Variants in SIDT1 observed in about 807,000 individuals in gnomAD.
SIDT1 encodes SID1 transmembrane family, member 1.
A neutral mutation model predicts 107.5 loss-of-function variants in SIDT1; 101 were observed. The ratio of observed to expected loss-of-function variants is 0.94; its 90% CI spans 0.80 to 1.11. SIDT1 has a LOEUF of 1.11. Ranked by LOEUF, SIDT1 falls within the 50% of genes least tolerant of loss-of-function variation. The pLI is 0.00. For missense variants in SIDT1, 1,076 were observed against 1,058.2 expected (o/e 1.02, Z -0.23); for synonymous variants, 395 against 398.2 (o/e 0.99, Z 0.10).
chr3:113,634,044 A>C (rs953487549), downstream of SIDT1, among the ~76,000 whole-genome samples: 2 of 152,204 alleles, frequency 1.3e-5, no homozygotes, highest in African/African-American at 4.8e-5. Flanking sequence ...AAATAAGGTG[A>C]TATAACTGAT....
chr3:113,548,715 A>G (rs929070857), intron 1 of SIDT1, among the ~76,000 whole-genome samples: 6 of 152,148 alleles, frequency 3.9e-5, no homozygotes, highest in South Asian at 2.1e-4. Flanking sequence ...TACAAATGTT[A>G]TTAGACTAAC....
chr3:113,593,169 CGCAGAGTAGTCTAGCCT>C, intron 10 of SIDT1, 121 bp downstream of exon 10: 1 of 856,520 alleles, frequency 1.2e-6, no homozygotes, highest in South Asian at 1.3e-5. Context: ...ATTCCTATCC[CGCAGAGTAGTCTAGCCT>C]GCAGTTGGAA....
chr3:113,611,204 C>T (rs1310466906), intron 18 of SIDT1, 60 bp downstream of exon 18: 2 of 1,576,454 alleles, frequency 1.3e-6, no homozygotes, highest in Non-Finnish European at 1.7e-6. Context: ...GTCCAATAAA[C>T]AAACAACAAT....
chr3:113,626,013 G>A, intron 23 of SIDT1, 89 bp from the exon 24 acceptor site: 1 of 865,344 alleles, frequency 1.2e-6, no homozygotes, highest in Middle Eastern at 2.2e-4. Flanking sequence ...CAGACATCTA[G>A]TAGCGTTTTT....
chr3:113,626,332 C>T lies in SIDT1; in HGVS notation c.2421+117C>T, dbSNP rs6787294. On this transcript the variant is annotated intron_variant, in intron 24 of 24. Coordinates refer to ENST00000264852, the MANE Select transcript of SIDT1 (RefSeq NM_017699.3). ...CCTCTCTAATTTTACTTTCCATTTCCTCCTTGTAATTCAATGTACAGACCA... is the reference window on the plus strand; with the variant it reads ...CCTCTCTAATTTTACTTTCCATTTCTTCCTTGTAATTCAATGTACAGACCA... 4.4e-4 allele frequency: 288 copies of T among 661,544 alleles called. No homozygotes were observed. The African/African-American group carries it at 4.7e-3, about 11-fold the overall frequency. 41.0% of individuals were successfully genotyped at this position (661,544 alleles called of 1,614,324 possible).
intron 1 of SIDT1, among the ~76,000 whole-genome samples, chr3:113,566,196 A>G (rs1438609117): frequency 1.3e-5 from 2 of 152,206 alleles, no homozygotes; most frequent in African/African-American, 4.8e-5. Context: ...TGTGCAATCA[A>G]GGTTGAGACC....
chr3:113,617,458 A>G (rs1370988183), intron 20 of SIDT1, among the ~76,000 whole-genome samples: 3 of 152,212 alleles, frequency 2.0e-5, no homozygotes. Context: ...AGTCAGAACT[A>G]GTGATGCTAG....
chr3:113,622,583 C>A (rs1184021489), intron 21 of SIDT1, among the ~76,000 whole-genome samples: 2 of 151,234 alleles, frequency 1.3e-5, no homozygotes, highest in Non-Finnish European at 2.9e-5. Context: ...CTGAGTCCAA[C>A]CAAAATTAAC....
At chr3:113,574,387 A>G (rs952823007) in intron 3 of SIDT1, among the ~76,000 whole-genome samples, 2 of 152,180 alleles carry the variant, frequency 1.3e-5, no homozygotes, top group African/African-American at 4.8e-5. Flanking sequence ...TCATAGTTCA[A>G]GTGAATAATA....
In SIDT1 at chr3:113,613,539, A is replaced by T. The variant is rs144076652; in HGVS notation, c.1966+1345A>T. Among the ~76,000 whole-genome samples the T allele has an allele frequency of 5.3e-5, 8 of 152,340 alleles. No individual in the cohort carries two copies. In the East Asian group the frequency reaches 1.5e-3, roughly 29 times the overall value. On this transcript the variant is annotated intron_variant, in intron 19 of 24. Transcript: ENST00000264852. ...TTAATTCTTTTGCCATGGTCAGTAG[A>T]TTTACCTTTGGCATGAACATAGCCA...
chr3:113,556,821 C>CCTTTTTT (rs1553782948), intron 1 of SIDT1, among the ~76,000 whole-genome samples: 3 of 107,660 alleles, frequency 2.8e-5, no homozygotes, highest in Non-Finnish European at 1.8e-5. Flanking sequence ...GTTTCTTTTT[C>CCTTTTTT]TTTTTTTTTT....
chr3:113,549,292 A>G (rs1053063094), intron 1 of SIDT1, among the ~76,000 whole-genome samples: 1 of 152,204 alleles, frequency 6.6e-6, no homozygotes, highest in Non-Finnish European at 1.5e-5. Flanking sequence ...GCTGGAGTAT[A>G]TAGTAAGACT....
rs60256247 is a variant in SIDT1 at position 113,571,486 on chromosome 3, G to GCACACACA, written c.515+3793_515+3800dup. 2.6e-3 allele frequency among the ~76,000 whole-genome samples: 384 copies of GCACACACA among 148,948 alleles called. 1 individual carries two copies. The highest frequency in any genetic ancestry group is 3.8e-3 in the Non-Finnish European group (256 of 67,378). On this transcript the variant is annotated intron_variant, in intron 3 of 24. Coordinates refer to ENST00000264852, the MANE Select transcript of SIDT1 (RefSeq NM_017699.3). ...GCTTGGTGCCATCTACCTATCCTCT[G>GCACACACA]CACACACACACACACACACACACAT...
At chr3:113,584,272 T>G (rs756988590) in intron 7 of SIDT1, among the ~76,000 whole-genome samples, 7 of 152,224 alleles carry the variant, frequency 4.6e-5, no homozygotes, top group Non-Finnish European at 7.3e-5. Flanking sequence ...CTTGGTAAAC[T>G]ACAAGCCCTT....
chr3:113,631,121 G>A (rs1947090738), downstream of SIDT1, among the ~76,000 whole-genome samples: 3 of 152,130 alleles, frequency 2.0e-5, no homozygotes, highest in Admixed American at 2.0e-4. Flanking sequence ...GGCCAAGTGG[G>A]AAAGCCTGGC....
chr3:113,607,873 C>T (rs1400010938), intron 15 of SIDT1, among the ~76,000 whole-genome samples: 1 of 152,062 alleles, frequency 6.6e-6, no homozygotes, highest in Non-Finnish European at 1.5e-5. Flanking sequence ...AAGCAGGCAC[C>T]CTTGAGAGGA....
intron 1 of SIDT1, among the ~76,000 whole-genome samples, chr3:113,546,106 G>GA (rs1337209891): frequency 2.0e-5 from 3 of 152,172 alleles, no homozygotes; most frequent in African/African-American, 7.2e-5. Context: ...GGAGACACGT[G>GA]TTTTTATCCC....
At chr3:113,602,888 C>A in intron 11 of SIDT1, 117 bp from the exon 12 acceptor site, 1 of 1,054,422 alleles carries the variant, frequency 9.5e-7, no homozygotes, top group Non-Finnish European at 1.3e-6. Flanking sequence ...ATGAGAAGTT[C>A]ATTTGGATCA....
intron 1 of SIDT1, among the ~76,000 whole-genome samples, chr3:113,551,173 A>G (rs1325206305): frequency 6.6e-6 from 1 of 152,108 alleles, no homozygotes; most frequent in East Asian, 1.9e-4. Context: ...ATTGATTGAC[A>G]TTTAGGTTGA....
Sources: allele counts gnomAD v4.1 joint callset (sites outside exome capture counted in the v4.1 genomes callset), GRCh38; gene constraint gnomAD v4.1.1; transcripts MANE v1.5; gene names NCBI Gene and HGNC (gene_info 2026-07-23, HGNC 2026-07-21).